The following DDR2 variants were observed in gnomAD, a reference collection of about 807,000 sequenced individuals.
The protein encoded by DDR2 is discoidin domain-containing receptor 2.
A neutral mutation model predicts 94.9 loss-of-function variants in DDR2; 27 were observed. The observed-to-expected ratio is 0.28, with a 90% CI of 0.21 to 0.39. The LOEUF (loss-of-function observed/expected upper bound fraction) is 0.39. Among genes scored for constraint, DDR2 ranks in the 10% least tolerant of loss-of-function variants. The pLI is 1.00. For missense variants in DDR2, 783 were observed against 1,076.0 expected, an observed-to-expected ratio of 0.73 and a Z score of 3.81; for synonymous variants, 382 against 377.2, an observed-to-expected ratio of 1.01 and a Z score of -0.15.
intron 3 of DDR2, among the ~76,000 whole-genome samples, chr1:162,742,736 C>T (rs558148153): frequency 5.2e-4 from 79 of 152,050 alleles, no homozygotes; most frequent in Non-Finnish European, 6.5e-4. Context: ...AAAGACATAC[C>T]CAAGACTGGG....
At chr1:162,656,833 G>GTTT (rs761726921) in intron 2 of DDR2, among the ~76,000 whole-genome samples, 874 of 65,542 alleles carry the variant, frequency 0.013, 139 homozygotes, top group African/African-American at 0.041. Context: ...TGCCACTGGA[G>GTTT]TTTTTTTTTT....
chr1:162,651,115 C>T (rs1437829819), intron 1 of DDR2, among the ~76,000 whole-genome samples: 1 of 152,116 alleles, frequency 6.6e-6, no homozygotes, highest in Non-Finnish European at 1.5e-5. Flanking sequence ...GTCATCCTGC[C>T]CCAGGTCTCT....
intron 2 of DDR2, among the ~76,000 whole-genome samples, chr1:162,662,491 T>C (rs181433605): frequency 1.3e-5 from 2 of 152,316 alleles, no homozygotes; most frequent in African/African-American, 4.8e-5. Flanking sequence ...ATATGGAAAT[T>C]ATCCATTTGC....
chr1:162,677,444 C>G (rs1398546654), intron 2 of DDR2, among the ~76,000 whole-genome samples: 1 of 152,196 alleles, frequency 6.6e-6, no homozygotes, highest in Non-Finnish European at 1.5e-5. Flanking sequence ...GTTTGCAATG[C>G]TCTACTCATG....
At chr1:162,634,235 A>G (rs1656703438) in intron 1 of DDR2, among the ~76,000 whole-genome samples, 1 of 152,132 alleles carries the variant, frequency 6.6e-6, no homozygotes, top group Admixed American at 6.5e-5. Context: ...GTATATACTT[A>G]CCTTTGTTAT....
At chr1:162,698,484 C>T (rs546747917) in intron 2 of DDR2, among the ~76,000 whole-genome samples, 1 of 152,276 alleles carries the variant, frequency 6.6e-6, no homozygotes, top group East Asian at 1.9e-4. Flanking sequence ...ATTTACTACA[C>T]TCTCCCTTCT....
At chr1:162,658,795 C>T (rs375377669) in intron 2 of DDR2, among the ~76,000 whole-genome samples, 2 of 128,404 alleles carry the variant, frequency 1.6e-5, no homozygotes, top group African/African-American at 5.8e-5. Flanking sequence ...TCATTGCACT[C>T]CAGCCTGGGT....
intron 12 of DDR2, 40 bp downstream of exon 12, chr1:162,770,552 C>T: frequency 6.3e-7 from 1 of 1,593,020 alleles, no homozygotes; most frequent in Non-Finnish European, 8.6e-7. Flanking sequence ...AGGGAGAAAC[C>T]TCAGCAAGCA....
At chr1:162,762,191 C>T (rs950821879) in intron 9 of DDR2, among the ~76,000 whole-genome samples, 1 of 152,082 alleles carries the variant, frequency 6.6e-6, no homozygotes, top group African/African-American at 2.4e-5. Context: ...CTAAAAAATT[C>T]CTTCCATTTT....
chr1:162,690,912 TG>T (rs1659934107), intron 2 of DDR2, among the ~76,000 whole-genome samples: 1 of 152,228 alleles, frequency 6.6e-6, no homozygotes, highest in South Asian at 2.1e-4. Context: ...TTTGAAATGC[TG>T]GAGTTGTGTC....
At chr1:162,666,869 C>A (rs746972345) in intron 2 of DDR2, among the ~76,000 whole-genome samples, 5 of 150,296 alleles carry the variant, frequency 3.3e-5, no homozygotes, top group African/African-American at 1.2e-4. Flanking sequence ...TCCTTCTTGA[C>A]ATTTTTCTAA....
intron 2 of DDR2, among the ~76,000 whole-genome samples, chr1:162,689,906 C>G (rs1659888717): frequency 7.0e-6 from 1 of 143,630 alleles, no homozygotes; most frequent in African/African-American, 2.6e-5. Flanking sequence ...ACCCTAGCTG[C>G]TTGGGAGGCT....
At chr1:162,660,002 A>G (rs1658208515) in intron 2 of DDR2, among the ~76,000 whole-genome samples, 1 of 44,822 alleles carries the variant, frequency 2.2e-5, no homozygotes, top group African/African-American at 4.7e-5. Context: ...GGCTGCAGGA[A>G]CAACGTTAAG....
Position 162,689,842 on chromosome 1 carries a change from T to C in DDR2, c.-27-29195T>C, listed in dbSNP as rs11579218. Among the ~76,000 whole-genome samples the C allele has an allele frequency of 1.8e-4, 2 of 10,924 alleles. 1 individual carries two copies. Among genetic ancestry groups the C allele is most frequent in the Non-Finnish European group, 5.0e-4 (2 of 4,014 alleles). 7.2% of individuals were successfully genotyped at this position (10,924 alleles called of 152,430 possible). On this transcript the variant is annotated intron_variant, in intron 2 of 17. Transcript: ENST00000367921. ...AACATGGTGAAACCCCATCTCTACT[T>C]AAAAAAAAAAAAAAAAAAAAAAAAA...
intron 17 of DDR2, among the ~76,000 whole-genome samples, chr1:162,779,080 G>A (rs1244269977): frequency 6.6e-6 from 1 of 152,150 alleles, no homozygotes. Context: ...AAGTGTAAAA[G>A]GGATGTATTA....
intron 2 of DDR2, among the ~76,000 whole-genome samples, chr1:162,718,020 G>T (rs1199976515): frequency 1.3e-5 from 2 of 152,114 alleles, no homozygotes; most frequent in Non-Finnish European, 2.9e-5. Context: ...GAATTCTTTT[G>T]CATTGGAAAT....
At chr1:162,639,819 T>C (rs1034800634) in intron 1 of DDR2, among the ~76,000 whole-genome samples, 1 of 152,216 alleles carries the variant, frequency 6.6e-6, no homozygotes, top group African/African-American at 2.4e-5. Flanking sequence ...CTTCGAATTC[T>C]GAATTTCATT....
rs145830969 is a variant in DDR2 at position 162,743,362 on chromosome 1, A to C, written c.83-9733A>C. Among the ~76,000 whole-genome samples, 534 of 152,196 alleles carry C rather than the reference A, an allele frequency of 3.5e-3. 7 individuals are homozygous for C. The highest frequency in any genetic ancestry group is 0.034 in the East Asian group (178 of 5,164). ...CAAGCCTGGGCATTATGCTCACGTG[A>C]AACCTTTTTCCCTTGATTTTTGCTA... On this transcript the variant is annotated intron_variant, in intron 3 of 17. Transcript: ENST00000367921.
intron 2 of DDR2, among the ~76,000 whole-genome samples, chr1:162,711,203 T>C (rs1660897647): frequency 6.6e-6 from 1 of 152,200 alleles, no homozygotes; most frequent in African/African-American, 2.4e-5. Flanking sequence ...TTGAATGTAC[T>C]GAAAAGATTT....
Sources: gnomAD v4.1 joint callset for allele counts (sites outside exome capture counted in the v4.1 genomes callset) on GRCh38, gnomAD v4.1.1 for gene constraint, MANE v1.5 for transcripts, NCBI Gene and HGNC (gene_info 2026-07-23, HGNC 2026-07-21) for gene names.